CEP128: variants seen among roughly 807,000 people sequenced by gnomAD.
CEP128 encodes the protein centrosomal protein 128kDa.
CEP128 carries 132 observed loss-of-function variants against 156.7 expected under a neutral mutation model. The observed-to-expected ratio is 0.84, with a 90% confidence interval of 0.73 to 0.97. The LOEUF (loss-of-function observed/expected upper bound fraction) is 0.97. Among genes scored for constraint, CEP128 ranks in the 50% least tolerant of loss-of-function variants. The pLI is 0.00. For missense variants in CEP128, 1,252 were observed against 1,281.9 expected, an observed-to-expected ratio of 0.98 and a Z score of 0.36; for synonymous variants, 469 against 448.9, an observed-to-expected ratio of 1.04 and a Z score of -0.57.
intron 14 of CEP128, among the ~76,000 whole-genome samples, chr14:80,481,374 C>G (rs1446303166): frequency 6.6e-6 from 1 of 152,148 alleles, no homozygotes; most frequent in Admixed American, 6.5e-5. Context: ...AGACCGGCCC[C>G]CATGGTTGAA....
chr14:80,576,021 CTG>C (rs1349215847), intron 20 of CEP128, among the ~76,000 whole-genome samples: 1 of 151,286 alleles, frequency 6.6e-6, no homozygotes, highest in African/African-American at 2.4e-5. Flanking sequence ...ATAGGTAACA[CTG>C]TGAAGCTTTC....
At chr14:80,524,400 A>C (rs1888884987) in intron 23 of CEP128, among the ~76,000 whole-genome samples, 2 of 152,154 alleles carry the variant, frequency 1.3e-5, no homozygotes, top group South Asian at 2.1e-4. Flanking sequence ...TTCTCTCTTG[A>C]GTTCCTATTT....
chr14:80,655,648 G>A (rs1895098871), intron 19 of CEP128, among the ~76,000 whole-genome samples: 1 of 152,140 alleles, frequency 6.6e-6, no homozygotes, highest in Admixed American at 6.6e-5. Flanking sequence ...CTGAGTTAAG[G>A]AGAAGTATCC....
chr14:80,795,664 A>T (rs1026372465), intron 13 of CEP128, among the ~76,000 whole-genome samples: 8 of 152,144 alleles, frequency 5.3e-5, no homozygotes, highest in Admixed American at 1.3e-4. Context: ...CAGCTCACAC[A>T]AGGGCCATTA....
At chr14:80,911,316 T>C (rs958348057) in intron 4 of CEP128, among the ~76,000 whole-genome samples, 3 of 152,116 alleles carry the variant, frequency 2.0e-5, no homozygotes, top group African/African-American at 2.4e-5. Context: ...CTGGCCAACA[T>C]GGTAAGATCC....
intron 9 of CEP128, among the ~76,000 whole-genome samples, chr14:80,841,714 C>G (rs1221406928): frequency 6.6e-6 from 1 of 151,984 alleles, no homozygotes; most frequent in Non-Finnish European, 1.5e-5. Flanking sequence ...CCTAACGTCA[C>G]TCACCTACTT....
Position 80,717,204 on chromosome 14 carries a change from A to G in CEP128, c.2806+25871T>C, listed in dbSNP as rs73336597. ...AAGTTGTTAGCTCTTAAAGGCAGAG[A>G]CTCTGCTATAATTTACTTTAAATAA... is the stretch of plus-strand genomic sequence containing the variant. On this transcript the variant is annotated intron_variant, in intron 19 of 24. Coordinates refer to ENST00000555265, the MANE Select transcript of CEP128 (RefSeq NM_152446.5). 5.3e-3 allele frequency among the ~76,000 whole-genome samples: 814 copies of G among 152,274 alleles called. 5 individuals are homozygous for G. Among genetic ancestry groups the G allele is most frequent in the African/African-American group, 0.018 (758 of 41,558 alleles).
Position 80,497,492 on chromosome 14 carries a change from T to A in CEP128, c.3272A>T (p.Glu1091Val). The A allele has an allele frequency of 1.2e-5, 19 of 1,609,524 alleles. No homozygotes were observed. The highest frequency in any genetic ancestry group is 1.6e-5 in the Non-Finnish European group (19 of 1,176,442). Residue 1091 changes from glutamate (E) to valine (V), a missense_variant, in exon 25 of 25, where the codon GAA becomes GTA. By Grantham distance (121) the Glu-to-Val change is moderately radical. Coordinates refer to ENST00000555265, the MANE Select transcript of CEP128 (RefSeq NM_152446.5). Reference sequence around the variant, plus strand: ...ACATTTGCTTTTTTAGCTCCCATATTCCTCTTTTTTGGGTTGTGAACTTGT... The same window carrying A: ...ACATTTGCTTTTTTAGCTCCCATATACCTCTTTTTTGGGTTGTGAACTTGT... ...NGTSSQPKKE[E>V]YGS is the part of the protein sequence containing the mutation.
chr14:80,503,145 T>G (rs1887813458), intron 24 of CEP128, among the ~76,000 whole-genome samples: 1 of 152,190 alleles, frequency 6.6e-6, no homozygotes, highest in Admixed American at 6.5e-5. Flanking sequence ...ATCAGTTAAT[T>G]AATTTACTAA....
At chr14:80,819,769 C>A (rs1429793670) in intron 13 of CEP128, among the ~76,000 whole-genome samples, 1 of 152,184 alleles carries the variant, frequency 6.6e-6, no homozygotes, top group African/African-American at 2.4e-5. Context: ...AGTGTGAGTT[C>A]AATGACTGTC....
intron 19 of CEP128, among the ~76,000 whole-genome samples, chr14:80,719,446 T>G (rs1227004871): frequency 1.3e-5 from 2 of 152,216 alleles, no homozygotes; most frequent in Non-Finnish European, 1.5e-5. Context: ...ATTTTAGGGC[T>G]CACCTTTCCT....
chr14:80,491,374 C>A (rs988254142), intron 6 of CEP128, among the ~76,000 whole-genome samples: 8 of 152,060 alleles, frequency 5.3e-5, no homozygotes, highest in Non-Finnish European at 7.4e-5. Context: ...GCAGGAAGTG[C>A]CTCGTTAGAA....
intron 8 of CEP128, among the ~76,000 whole-genome samples, chr14:80,890,898 G>T (rs1889066416): frequency 1.3e-5 from 2 of 151,876 alleles, no homozygotes; most frequent in Admixed American, 1.3e-4. Context: ...AAAGAAACAG[G>T]CATTTCTCAG....
At chr14:80,912,731 A>G (rs1884318208) in intron 4 of CEP128, among the ~76,000 whole-genome samples, 1 of 151,916 alleles carries the variant, frequency 6.6e-6, no homozygotes, top group African/African-American at 2.4e-5. Flanking sequence ...GCTTGCAATT[A>G]CAAGTGATTA....
chr14:80,496,177 T>G (rs1887488195), downstream of CEP128, among the ~76,000 whole-genome samples: 1 of 152,144 alleles, frequency 6.6e-6, no homozygotes, highest in Non-Finnish European at 1.5e-5. Flanking sequence ...TTGTATCTCA[T>G]TTTTTCCTCC....
intron 12 of CEP128, among the ~76,000 whole-genome samples, chr14:80,835,227 C>T (rs893853549): frequency 6.6e-6 from 1 of 152,200 alleles, no homozygotes; most frequent in Non-Finnish European, 1.5e-5. Context: ...TAGAGCCATG[C>T]TTCTGGTACA....
chr14:80,776,748 C>G (rs905057202), intron 16 of CEP128, among the ~76,000 whole-genome samples: 1 of 151,974 alleles, frequency 6.6e-6, no homozygotes, highest in African/African-American at 2.4e-5. Flanking sequence ...TATATAGTGT[C>G]TCATCCTATT....
chr14:80,678,049 A>AAAATATATATATATATATACATATGTAT, intron 19 of CEP128, among the ~76,000 whole-genome samples: 21 of 98,482 alleles, frequency 2.1e-4, no homozygotes, highest in African/African-American at 6.6e-4. Flanking sequence ...ATAAAAAAAA[A>AAAATATATATATATATATACATATGTAT]ATATATATAT....
chr14:80,829,397 C>G (rs566281711), intron 13 of CEP128, among the ~76,000 whole-genome samples: 80 of 152,262 alleles, frequency 5.3e-4, no homozygotes, highest in African/African-American at 1.9e-3. Flanking sequence ...GAACTTTCTG[C>G]ATCAACTTTA....
Sources: gnomAD v4.1 joint callset for allele counts (sites outside exome capture counted in the v4.1 genomes callset) on GRCh38, gnomAD v4.1.1 for gene constraint, MANE v1.5 for transcripts, NCBI Gene and HGNC (gene_info 2026-07-23, HGNC 2026-07-21) for gene names.